Variants in SIK2 observed in about 807,000 individuals in gnomAD.
SIK2 encodes the protein serine/threonine-protein kinase SIK2.
A neutral mutation model predicts 103.2 loss-of-function variants in SIK2; 29 were observed. The observed-to-expected ratio is 0.28, with a 90% CI of 0.21 to 0.38. The LOEUF (loss-of-function observed/expected upper bound fraction) is 0.38. Ranked by LOEUF, SIK2 falls within the 10% of genes least tolerant of loss-of-function variation. SIK2 has a pLI of 1.00. For missense variants in SIK2, 879 were observed against 1,171.0 expected, an observed-to-expected ratio of 0.75 and a Z score of 3.64; for synonymous variants, 412 against 446.1, an observed-to-expected ratio of 0.92 and a Z score of 0.96.
chr11:111,693,275 A>G (rs1315773030), intron 4 of SIK2, among the ~76,000 whole-genome samples: 1 of 151,702 alleles, frequency 6.6e-6, no homozygotes, highest in African/African-American at 2.4e-5. Flanking sequence ...CAGAGGTTGC[A>G]GTGAGCCGAG....
In SIK2 at chr11:111,725,166, G is replaced by A. The variant is rs994218195; in HGVS notation, c.*1037G>A. ...TCTGTCCCATGTGAAGTGGTAGTGC[G>A]GTGCCTTTCCCCCAGATCATGCTTT... On this transcript the variant is annotated 3_prime_UTR_variant, in exon 15 of 15. Coordinates refer to ENST00000304987, the MANE Select transcript of SIK2 (RefSeq NM_015191.3). 2 of 152,616 alleles carry A rather than the reference G, an allele frequency of 1.3e-5. No homozygotes were observed. Among genetic ancestry groups the A allele is most frequent in the South Asian group, 2.1e-4 (1 of 4,830 alleles). 9.5% of individuals were successfully genotyped at this position (152,616 alleles called of 1,614,324 possible).
intron 2 of SIK2, 21 bp downstream of exon 2, chr11:111,616,380 A>G (rs752765849): frequency 4.6e-6 from 6 of 1,304,412 alleles, no homozygotes; most frequent in East Asian, 2.3e-5. Context: ...GCCTAACACT[A>G]TCTCCATTCA....
At chr11:111,619,411 T>G (rs76561479) in intron 2 of SIK2, among the ~76,000 whole-genome samples, 2 of 152,176 alleles carry the variant, frequency 1.3e-5, no homozygotes, top group Non-Finnish European at 2.9e-5. Context: ...TTATTTTTTT[T>G]GAGACATAGT....
At chr11:111,637,117 T>C (rs546894208) in intron 3 of SIK2, among the ~76,000 whole-genome samples, 3 of 152,200 alleles carry the variant, frequency 2.0e-5, no homozygotes, top group Admixed American at 6.5e-5. Context: ...AATTTTCTTT[T>C]TTTTCTTTTT....
At chr11:111,661,820 AACTT>A (rs1304477101) in intron 3 of SIK2, among the ~76,000 whole-genome samples, 2 of 152,296 alleles carry the variant, frequency 1.3e-5, no homozygotes, top group African/African-American at 4.8e-5. Flanking sequence ...GATCTCGTGA[AACTT>A]ACTATCATGA....
intron 8 of SIK2, among the ~76,000 whole-genome samples, chr11:111,706,134 T>A (rs1429111674): frequency 1.3e-5 from 2 of 152,110 alleles, no homozygotes; most frequent in Non-Finnish European, 2.9e-5. Flanking sequence ...GTAATGGGGA[T>A]AATAATAGAA....
intron 3 of SIK2, among the ~76,000 whole-genome samples, chr11:111,643,325 G>A (rs1321197758): frequency 1.3e-5 from 2 of 152,084 alleles, no homozygotes; most frequent in South Asian, 4.1e-4. Context: ...GGGGCGAGGG[G>A]AGGGAGAGTA....
chr11:111,688,239 C>A lies in SIK2; in HGVS notation c.478+77C>A. On this transcript the variant is annotated intron_variant, in intron 4 of 14. Transcript: ENST00000304987. This position sits in a 1 kb window ranked among gnomAD's most constrained non-coding sequence, Gnocchi z 4.2. Reference sequence around the variant, plus strand: ...CAGTGTGTGGAAACAGACCTGCAGGCGCAGATTCAGCAGCATTTCTACCTG... The same window carrying A: ...CAGTGTGTGGAAACAGACCTGCAGGAGCAGATTCAGCAGCATTTCTACCTG... 2 of 1,452,954 alleles carry A rather than the reference C, an allele frequency of 1.4e-6. No individual in the cohort carries two copies. The highest frequency in any genetic ancestry group is 9.6e-7 in the Non-Finnish European group (1 of 1,043,764). 90.0% of individuals were successfully genotyped at this position (1,452,954 alleles called of 1,614,324 possible).
intron 3 of SIK2, among the ~76,000 whole-genome samples, chr11:111,627,656 C>G (rs1177032797): frequency 1.3e-5 from 2 of 152,148 alleles, no homozygotes. Context: ...CATAGATAAA[C>G]AGTAGTTAAC....
intron 1 of SIK2, among the ~76,000 whole-genome samples, chr11:111,615,393 T>C (rs941914584): frequency 9.9e-5 from 15 of 152,112 alleles, no homozygotes; most frequent in Non-Finnish European, 1.8e-4. Flanking sequence ...TTAGAGTTTT[T>C]TCAAAACTGA....
At chr11:111,693,597 A>C (rs1306355929) in intron 4 of SIK2, among the ~76,000 whole-genome samples, 2 of 152,208 alleles carry the variant, frequency 1.3e-5, no homozygotes, top group Non-Finnish European at 2.9e-5. Flanking sequence ...AACTTTCCCA[A>C]TCTAAAATGT....
intron 11 of SIK2, 31 bp from the exon 12 acceptor site, chr11:111,720,868 T>TA (rs761867247): frequency 2.6e-4 from 418 of 1,607,894 alleles, no homozygotes; most frequent in Middle Eastern, 1.7e-3. Context: ...GTATTTTAGT[T>TA]AAACTGTTTG....
At chr11:111,685,515 C>T (rs749800307) in intron 3 of SIK2, among the ~76,000 whole-genome samples, 11 of 152,064 alleles carry the variant, frequency 7.2e-5, no homozygotes, top group Non-Finnish European at 1.6e-4. Context: ...TGAAGAGGGA[C>T]TTAAGGTCAA....
intron 3 of SIK2, 109 bp downstream of exon 3, chr11:111,620,511 G>GA (rs1011190570): frequency 2.4e-5 from 16 of 659,076 alleles, no homozygotes; most frequent in Non-Finnish European, 3.1e-5. Flanking sequence ...TAATATAAGT[G>GA]AAAAAAAATT....
chr11:111,659,652 A>G (rs940675006), intron 3 of SIK2, among the ~76,000 whole-genome samples: 2 of 150,400 alleles, frequency 1.3e-5, no homozygotes, highest in Non-Finnish European at 2.9e-5. Flanking sequence ...TCAGTTCCAC[A>G]CAGCTCACTG....
At chr11:111,710,542 C>T (rs1340756223) in intron 8 of SIK2, among the ~76,000 whole-genome samples, 1 of 152,174 alleles carries the variant, frequency 6.6e-6, no homozygotes, top group Non-Finnish European at 1.5e-5. Flanking sequence ...AAGATTCTAA[C>T]TAGGAACCGT....
chr11:111,717,351 A>G (rs1450223010), intron 9 of SIK2, among the ~76,000 whole-genome samples: 2 of 149,946 alleles, frequency 1.3e-5, no homozygotes, highest in Non-Finnish European at 3.0e-5. Flanking sequence ...AAAGCTCAAC[A>G]TGACTGATCA....
At chr11:111,709,721 C>T (rs1163735361) in intron 8 of SIK2, among the ~76,000 whole-genome samples, 1 of 152,174 alleles carries the variant, frequency 6.6e-6, no homozygotes, top group Non-Finnish European at 1.5e-5. Context: ...CTTTGGTCCC[C>T]TCAGTGATCA....
rs2135976382 is a variant in SIK2, at chr11:111,722,474, A to T, written c.2056-191A>T. Among the ~76,000 whole-genome samples the T allele has an allele frequency of 6.6e-6, 1 of 152,332 alleles. No homozygotes were observed. Among genetic ancestry groups the T allele is most frequent in the East Asian group, 1.9e-4 (1 of 5,178 alleles). ...ATGGAGTGGAAAAAGGAAGTAGGTG[A>T]GGTCAGAGATGGCCCAGGCCTGCGG... On this transcript the variant is annotated intron_variant, in intron 13 of 14. Transcript: ENST00000304987. The surrounding 1 kb of genome is among the most constrained non-coding windows in gnomAD (Gnocchi z 4.4).
Sources: gnomAD v4.1 joint callset for allele counts (sites outside exome capture counted in the v4.1 genomes callset) on GRCh38, gnomAD v4.1.1 for gene constraint, Gnocchi (gnomAD v3.1) non-coding constraint, MANE v1.5 for transcripts, NCBI Gene and HGNC (gene_info 2026-07-23, HGNC 2026-07-21) for gene names.